Variants in PYROXD1 observed in about 807,000 individuals in gnomAD.
PYROXD1 encodes the protein pyridine nucleotide-disulphide oxidoreductase domain 1.
PYROXD1 carries 42 observed loss-of-function variants against 62.0 expected under a neutral mutation model. That is an observed-to-expected ratio of 0.68 (90% CI 0.53 to 0.88). The LOEUF (loss-of-function observed/expected upper bound fraction) is 0.88. Ranked by LOEUF, PYROXD1 falls within the 40% of genes least tolerant of loss-of-function variation. The probability of loss-of-function intolerance (pLI) is 0.00; values close to 1 mark genes in which losing one functional copy is unlikely to be tolerated. For synonymous variants in PYROXD1, 170 were observed against 206.4 expected (o/e 0.82, Z 1.51); for missense variants, 493 against 604.8 (o/e 0.82, Z 1.94).
chr12:21,443,577 A>G (rs1942335112), intron 2 of PYROXD1, among the ~76,000 whole-genome samples: 1 of 152,162 alleles, frequency 6.6e-6, no homozygotes. Flanking sequence ...ATATATGTAT[A>G]CTAATAAGTT....
intron 4 of PYROXD1, 41 bp downstream of exon 4, chr12:21,449,732 A>C: frequency 6.5e-7 from 1 of 1,541,166 alleles, no homozygotes. Flanking sequence ...AAAATAAAAG[A>C]ATTTTCTACA....
Position 21,469,440 on chromosome 12 carries a change from A to G in PYROXD1, c.*686A>G, listed in dbSNP as rs935988768. 3 of 151,526 alleles carry G rather than the reference A, an allele frequency of 2.0e-5. No homozygotes were observed. Among genetic ancestry groups the G allele is most frequent in the African/African-American group, 7.3e-5 (3 of 41,230 alleles). 9.4% of individuals were successfully genotyped at this position (151,526 alleles called of 1,614,324 possible). A position where few individuals can be genotyped will look rare whatever the true frequency, so the allele number is the denominator to read the frequency against. On this transcript the variant is annotated 3_prime_UTR_variant, in exon 12 of 12. Coordinates refer to ENST00000240651, the MANE Select transcript of PYROXD1 (RefSeq NM_024854.5). ...CATATTTTATGTGCGGCCCAAGACAATTCTTCTTCCAATGTGGCTCAGGGA... is the reference window on the plus strand; with the variant it reads ...CATATTTTATGTGCGGCCCAAGACAGTTCTTCTTCCAATGTGGCTCAGGGA...
chr12:21,467,101 G>T (rs1183237617), intron 10 of PYROXD1, among the ~76,000 whole-genome samples: 1 of 152,050 alleles, frequency 6.6e-6, no homozygotes, highest in Non-Finnish European at 1.5e-5. Flanking sequence ...AATGAAGGTT[G>T]CTGGAAAATA....
At position 21,468,773 on chromosome 12, in the gene PYROXD1, A is replaced by T. The variant is rs1942853115; in HGVS notation, c.*19A>T. 5 of 1,594,604 alleles carry T rather than the reference A, an allele frequency of 3.1e-6. No homozygotes were observed. The highest frequency in any genetic ancestry group is 4.3e-6 in the Non-Finnish European group (5 of 1,167,536). On this transcript the variant is annotated 3_prime_UTR_variant, in exon 12 of 12. Coordinates refer to ENST00000240651, the MANE Select transcript of PYROXD1 (RefSeq NM_024854.5). ...TGACTAAAAATGGAATTTCTTCAGG[A>T]ATCATATAAAGTTCCAAATGACACC...
chr12:21,461,324 C>A (rs1469533838), intron 8 of PYROXD1, among the ~76,000 whole-genome samples, 170 bp downstream of exon 8: 1 of 139,830 alleles, frequency 7.2e-6, no homozygotes, highest in Admixed American at 6.8e-5. Flanking sequence ...ATTTCACTGT[C>A]TGTTGTTTTC....
Position 21,467,640 on chromosome 12 carries a change from A to G in PYROXD1, c.1254+22A>G, listed in dbSNP as rs376565504. 3.2e-6 allele frequency: 5 copies of G among 1,570,790 alleles called. No homozygotes were observed. The African/African-American group carries it at 6.8e-5, about 21-fold the overall frequency. ...TAAGGTAAGATAGTTAAGCATATTAATGCCTTCTCTGCTTGTTAGTCTTAT... is the reference window on the plus strand; with the variant it reads ...TAAGGTAAGATAGTTAAGCATATTAGTGCCTTCTCTGCTTGTTAGTCTTAT... On this transcript the variant is annotated intron_variant, in intron 11 of 11. Coordinates refer to ENST00000240651, the MANE Select transcript of PYROXD1 (RefSeq NM_024854.5).
Position 21,455,167 on chromosome 12 carries a change from T to C in PYROXD1, c.524T>C (p.Ile175Thr). 6.5e-7 allele frequency: 1 copy of C among 1,535,974 alleles called. No homozygotes were observed. The highest frequency in any genetic ancestry group is 8.8e-7 in the Non-Finnish European group (1 of 1,140,266). ...EIEGCEVIWA[I>T]KDKAIGNTFF... ...GAAGGCTGTGAAGTGATTTGGGCCA[T>C]TAAAGATAAAGCTATAGGGAATACT... is the stretch of plus-strand genomic sequence containing the variant. Residue 175 changes from isoleucine (I) to threonine (T), a missense_variant, in exon 6 of 12, where the codon ATT becomes ACT. Coordinates refer to ENST00000240651, the MANE Select transcript of PYROXD1 (RefSeq NM_024854.5).
Position 21,437,944 on chromosome 12 carries a change from A to C in PYROXD1, c.84+130A>C, listed in dbSNP as rs1289761140. 8.8e-6 allele frequency: 7 copies of C among 795,078 alleles called. No homozygotes were observed. The East Asian group carries it at 1.4e-4, about 15-fold the overall frequency. 49.3% of individuals were successfully genotyped at this position (795,078 alleles called of 1,614,324 possible). ...TTTTGCTGCGCCCTTTTCCGCACTT[A>C]TTGCTCCCAGATTTTAGAAACTGCT... On this transcript the variant is annotated intron_variant, in intron 1 of 11. Coordinates refer to ENST00000240651, the MANE Select transcript of PYROXD1 (RefSeq NM_024854.5).
chr12:21,469,919 A>G lies in PYROXD1; in HGVS notation c.*1165A>G, dbSNP rs1038483540. 1.0e-5 allele frequency: 3 copies of G among 297,796 alleles called. No individual in the cohort carries two copies. The highest frequency in any genetic ancestry group is 1.8e-5 in the Non-Finnish European group (3 of 164,222). 18.4% of individuals were successfully genotyped at this position (297,796 alleles called of 1,614,324 possible). The stretch of plus-strand genomic sequence containing the variant: ...AGTATATAAAGGCATAAAAAACTTA[A>G]GACGATTGTATGAACTTATTCTCAA... On this transcript the variant is annotated 3_prime_UTR_variant, in exon 12 of 12. Transcript: ENST00000240651.
In PYROXD1 at chr12:21,469,686, AT is replaced by A. The variant is rs201322313; in HGVS notation, c.*942del. 0.036 allele frequency: 4,970 copies of A among 139,288 alleles called. 115 individuals are homozygous for A. Among genetic ancestry groups the A allele is most frequent in the Middle Eastern group, 0.094 (20 of 212 alleles). The allele number at this position is 139,288 out of a possible 1,614,324, so 8.6% of individuals were successfully genotyped here. ...CTTAAAACATGAGATTTTTCTTGCAATTTTTTTTTTAAGCTCATCAGCTATC... is the reference window on the plus strand; with the variant it reads ...CTTAAAACATGAGATTTTTCTTGCAATTTTTTTTTAAGCTCATCAGCTATC... On this transcript the variant is annotated 3_prime_UTR_variant, in exon 12 of 12. Transcript: ENST00000240651.
intron 5 of PYROXD1, among the ~76,000 whole-genome samples, chr12:21,452,967 G>A (rs1260013159): frequency 6.6e-6 from 1 of 152,006 alleles, no homozygotes; most frequent in East Asian, 1.9e-4. Context: ...GCCTGTAAGA[G>A]TTCTTAAATT....
chr12:21,458,420 T>G (rs534542051), intron 7 of PYROXD1, among the ~76,000 whole-genome samples: 3 of 152,360 alleles, frequency 2.0e-5, no homozygotes, highest in Admixed American at 6.5e-5. Flanking sequence ...GAAGACTGTT[T>G]CGCTTTCTCA....
intron 2 of PYROXD1, among the ~76,000 whole-genome samples, chr12:21,444,953 T>A (rs1942359028): frequency 6.6e-6 from 1 of 152,196 alleles, no homozygotes; most frequent in Non-Finnish European, 1.5e-5. Flanking sequence ...ATACTGATGG[T>A]TTTATAGAAC....
chr12:21,467,910 T>C (rs1942832356), intron 11 of PYROXD1, among the ~76,000 whole-genome samples: 1 of 151,332 alleles, frequency 6.6e-6, no homozygotes, highest in Non-Finnish European at 1.5e-5. Flanking sequence ...GATTCATCCT[T>C]TCTTTGTGAG....
At chr12:21,458,489 A>G (rs1013105640) in intron 7 of PYROXD1, among the ~76,000 whole-genome samples, 1 of 152,190 alleles carries the variant, frequency 6.6e-6, no homozygotes, top group African/African-American at 2.4e-5. Flanking sequence ...TTTCCTTTGC[A>G]TTCACAATTT....
At chr12:21,462,584 A>G (rs1409906535) in intron 9 of PYROXD1, among the ~76,000 whole-genome samples, 156 bp from the exon 10 acceptor site, 1 of 152,226 alleles carries the variant, frequency 6.6e-6, no homozygotes, top group African/African-American at 2.4e-5. Flanking sequence ...ATCCATGGAA[A>G]TTCAGCTCAG....
chr12:21,452,181 A>G, intron 5 of PYROXD1, 27 bp downstream of exon 5: 1 of 1,329,246 alleles, frequency 7.5e-7, no homozygotes, highest in Non-Finnish European at 1.0e-6. Flanking sequence ...AAATATGATA[A>G]CATTTAAATT....
intron 2 of PYROXD1, among the ~76,000 whole-genome samples, chr12:21,440,696 T>C (rs1277392653): frequency 2.6e-5 from 4 of 152,154 alleles, no homozygotes; most frequent in Non-Finnish European, 4.4e-5. Context: ...GCTAGGACTT[T>C]AGTACTGTGT....
chr12:21,457,593 A>G (rs1942621546), intron 7 of PYROXD1, among the ~76,000 whole-genome samples: 1 of 152,046 alleles, frequency 6.6e-6, no homozygotes, highest in Non-Finnish European at 1.5e-5. Flanking sequence ...TAATTGGCTC[A>G]TGGTCCCACG....
Sources: allele counts gnomAD v4.1 joint callset (sites outside exome capture counted in the v4.1 genomes callset), GRCh38; gene constraint gnomAD v4.1.1; transcripts MANE v1.5; gene names NCBI Gene and HGNC (gene_info 2026-07-23, HGNC 2026-07-21).